The following KLF12 variants were observed in gnomAD, a reference collection of about 807,000 sequenced individuals.
KLF12 encodes the protein KLF transcription factor 12.
A neutral mutation model predicts 37.8 loss-of-function variants in KLF12; 9 were observed. The observed-to-expected ratio is 0.24, with a 90% CI of 0.14 to 0.42. The LOEUF (loss-of-function observed/expected upper bound fraction) is 0.42, where lower values mean the gene tolerates loss of function less well. Ranked by LOEUF, KLF12 falls within the 10% of genes least tolerant of loss-of-function variation. KLF12 has a pLI of 1.00. For missense variants in KLF12, 411 were observed against 516.0 expected (o/e 0.80, Z 1.97); for synonymous variants, 208 against 202.1 (o/e 1.03, Z -0.25).
chr13:73,775,368 A>C (rs866406405), intron 5 of KLF12, among the ~76,000 whole-genome samples: 4 of 152,324 alleles, frequency 2.6e-5, no homozygotes, highest in Middle Eastern at 6.8e-3. Flanking sequence ...GGCATTTTCA[A>C]AGGTTGATAA....
In KLF12 at chr13:73,884,986, T is replaced by A. The variant is rs75245017; in HGVS notation, c.124-38613A>T. The stretch of plus-strand genomic sequence containing the variant: ...TATCTCTCCGGCAGTCTTCATAATC[T>A]TCTTTGTTGGCTCTACCCATTGTGC... On this transcript the variant is annotated intron_variant, in intron 3 of 7. Coordinates refer to ENST00000377669, the MANE Select transcript of KLF12 (RefSeq NM_007249.5). Among the ~76,000 whole-genome samples, 1,099 of 152,318 alleles carry A rather than the reference T, an allele frequency of 7.2e-3. 8 individuals are homozygous for A. The highest frequency in any genetic ancestry group is 0.011 in the African/African-American group (467 of 41,572).
chr13:73,884,014 G>A (rs143632535), intron 3 of KLF12, among the ~76,000 whole-genome samples: 1,666 of 152,176 alleles, frequency 0.011, 33 homozygotes, highest in African/African-American at 0.038. Context: ...ACGCAGTTGG[G>A]AAAAACAGAA....
At chr13:74,229,871 C>G in the KLF12 span, among the ~76,000 whole-genome samples, 2 of 152,164 alleles carry the variant, frequency 1.3e-5, no homozygotes, top group Non-Finnish European at 2.9e-5. Context: ...CCACCTAATC[C>G]TAACTCCTTA....
At chr13:74,241,636 C>T in the KLF12 span, among the ~76,000 whole-genome samples, 4 of 152,166 alleles carry the variant, frequency 2.6e-5, no homozygotes, top group South Asian at 2.1e-4. Flanking sequence ...AGCCAGGTGC[C>T]GGATATAATC....
At chr13:74,275,676 T>G in the KLF12 span, among the ~76,000 whole-genome samples, 2 of 151,806 alleles carry the variant, frequency 1.3e-5, no homozygotes, top group African/African-American at 4.8e-5. Context: ...TGCCTCTTTT[T>G]GGGTATTTTT....
At chr13:74,077,275 C>T (rs1463561219) in intron 1 of KLF12, among the ~76,000 whole-genome samples, 1 of 152,148 alleles carries the variant, frequency 6.6e-6, no homozygotes, top group African/African-American at 2.4e-5. Flanking sequence ...CAAGGGGACA[C>T]ATTCAAACTA....
intron 1 of KLF12, among the ~76,000 whole-genome samples, chr13:74,097,995 C>A (rs1174813068): frequency 6.6e-6 from 1 of 152,124 alleles, no homozygotes; most frequent in Non-Finnish European, 1.5e-5. Context: ...CAACAACCAA[C>A]TGGCTAATCT....
At position 74,045,783 on chromosome 13, in the gene KLF12, C is replaced by T. The variant is rs183249171; in HGVS notation, c.-31-50730G>A. Among the ~76,000 whole-genome samples the T allele has an allele frequency of 1.4e-3, 213 of 152,264 alleles. 1 individual carries two copies. The highest frequency in any genetic ancestry group is 4.8e-3 in the African/African-American group (199 of 41,548). On this transcript the variant is annotated intron_variant, in intron 1 of 7. Transcript: ENST00000377669. ...GGGAAGCTGGCATGTCTGCATGGTC[C>T]CAGATTGAGTGTGCGTGTGTGTCAC...
chr13:74,187,540 T>C, the KLF12 span, among the ~76,000 whole-genome samples: 1 of 152,148 alleles, frequency 6.6e-6, no homozygotes, highest in Non-Finnish European at 1.5e-5. Flanking sequence ...TAAATTTTTT[T>C]GTTGTTATTA....
At chr13:73,719,974 G>C (rs1876115597) in intron 6 of KLF12, among the ~76,000 whole-genome samples, 1 of 152,014 alleles carries the variant, frequency 6.6e-6, no homozygotes, top group South Asian at 2.1e-4. Flanking sequence ...AAAACACATA[G>C]ATATAAATGT....
intron 3 of KLF12, among the ~76,000 whole-genome samples, chr13:73,934,981 ATTTATTTATTTT>A (rs1424400022): frequency 6.7e-6 from 1 of 148,626 alleles, no homozygotes; most frequent in African/African-American, 2.5e-5. Flanking sequence ...TTATTTATTT[ATTTATTTATTTT>A]GAGACAGATG....
chr13:74,099,655 C>G (rs557355714), intron 1 of KLF12, among the ~76,000 whole-genome samples: 3 of 152,206 alleles, frequency 2.0e-5, no homozygotes, highest in African/African-American at 7.2e-5. Context: ...AACCTACATG[C>G]AGGGTACCAA....
chr13:73,911,236 A>C (rs1195602241), intron 3 of KLF12, among the ~76,000 whole-genome samples: 3 of 152,170 alleles, frequency 2.0e-5, no homozygotes, highest in Non-Finnish European at 4.4e-5. Context: ...AAAAATATTA[A>C]TAAAATTTTT....
At chr13:74,195,903 T>C in the KLF12 span, among the ~76,000 whole-genome samples, 3 of 152,142 alleles carry the variant, frequency 2.0e-5, no homozygotes, top group African/African-American at 4.8e-5. Flanking sequence ...TTTTTATGGC[T>C]GATGGCCACA....
the KLF12 span, among the ~76,000 whole-genome samples, chr13:74,256,111 CG>C: frequency 6.7e-6 from 1 of 149,796 alleles, no homozygotes. Flanking sequence ...GGGGAGATCG[CG>C]CCACTGCACT....
chr13:74,147,425 G>C, the KLF12 span, among the ~76,000 whole-genome samples: 34 of 152,298 alleles, frequency 2.2e-4, 1 homozygote, highest in African/African-American at 8.2e-4. Flanking sequence ...CTCCAAAGAG[G>C]GTGCTGCAGT....
At chr13:73,943,927 A>C in intron 3 of KLF12, 54 bp downstream of exon 3, 1 of 1,084,646 alleles carries the variant, frequency 9.2e-7, no homozygotes, top group African/African-American at 1.6e-5. Flanking sequence ...TGCTCTGCAG[A>C]AGAATGCCAC....
Position 73,873,700 on chromosome 13 carries a change from C to T in KLF12, c.124-27327G>A, listed in dbSNP as rs905605419. On this transcript the variant is annotated intron_variant, in intron 3 of 7. Coordinates refer to ENST00000377669, the MANE Select transcript of KLF12 (RefSeq NM_007249.5). Reference sequence around the variant, plus strand: ...AAAAAATAACAACACATGAACTTGACTGTGTTTAACTTCTGTTCCAGGTAA... The same window carrying T: ...AAAAAATAACAACACATGAACTTGATTGTGTTTAACTTCTGTTCCAGGTAA... Among the ~76,000 whole-genome samples the T allele has an allele frequency of 2.6e-5, 4 of 152,154 alleles. No homozygotes were observed. The East Asian group carries it at 5.8e-4, about 22-fold the overall frequency.
chr13:73,977,692 G>C (rs1207689217), intron 2 of KLF12, among the ~76,000 whole-genome samples: 14 of 152,172 alleles, frequency 9.2e-5, no homozygotes, highest in Admixed American at 9.2e-4. Context: ...CAATGTTGAA[G>C]AAATGACATT....
Sources: allele counts gnomAD v4.1 joint callset (sites outside exome capture counted in the v4.1 genomes callset), GRCh38; gene constraint gnomAD v4.1.1; transcripts MANE v1.5; gene names NCBI Gene and HGNC (gene_info 2026-07-23, HGNC 2026-07-21).